Variants in PCDH11Y observed in about 807,000 individuals in gnomAD.
PCDH11Y encodes the protein protocadherin-11 Y-linked.
For synonymous variants in PCDH11Y, 9 were observed against 83.6 expected (o/e 0.11, Z 4.87); for missense variants, 12 against 224.8 (o/e 0.05, Z 6.05).
At chrY:5,351,295 A>AGTGT (rs756307805) in intron 2 of PCDH11Y, among the ~76,000 whole-genome samples, 90 of 21,929 alleles carry the variant, frequency 4.1e-3, no homozygotes, top group Middle Eastern at 0.044. Context: ...ATATGTGGGG[A>AGTGT]GTGTGTGTGT....
intron 1 of PCDH11Y, among the ~76,000 whole-genome samples, chrY:5,016,850 G>A (rs2052561667): frequency 3.0e-5 from 1 of 33,099 alleles, no homozygotes; most frequent in Non-Finnish European, 7.5e-5. Flanking sequence ...AAGTTTTAAT[G>A]TTCCATAAAC....
intron 1 of PCDH11Y, among the ~76,000 whole-genome samples, chrY:5,062,776 A>G: frequency 3.0e-5 from 1 of 33,103 alleles, no homozygotes. Context: ...AAATAGTTCA[A>G]TTCTGGAGTT....
chrY:5,338,684 A>G, intron 2 of PCDH11Y: 1 of 375,669 alleles, frequency 2.7e-6, no homozygotes, highest in Non-Finnish European at 3.8e-6. Flanking sequence ...ATCTAATTCA[A>G]TCTGCTGCAG....
intron 1 of PCDH11Y, among the ~76,000 whole-genome samples, chrY:5,096,438 CGTGT>C (rs367616063): frequency 0.11 from 2,104 of 19,722 alleles, no homozygotes; most frequent in East Asian, 0.31. Flanking sequence ...TTTAGATGTA[CGTGT>C]GTGTGTGTGT....
At chrY:5,366,265 A>G in intron 2 of PCDH11Y, among the ~76,000 whole-genome samples, 1 of 33,624 alleles carries the variant, frequency 3.0e-5, no homozygotes, top group African/African-American at 1.2e-4. Context: ...AACGATGCTT[A>G]TCCTGTAATT....
intron 2 of PCDH11Y, among the ~76,000 whole-genome samples, chrY:5,164,791 T>C: frequency 3.0e-5 from 1 of 33,360 alleles, no homozygotes; most frequent in Non-Finnish European, 7.5e-5. Context: ...ATCATCAGGT[T>C]TGATAAAAAT....
intron 2 of PCDH11Y, among the ~76,000 whole-genome samples, chrY:5,162,815 AC>A (rs2052875693): frequency 3.0e-5 from 1 of 33,062 alleles, no homozygotes; most frequent in Non-Finnish European, 7.5e-5. Flanking sequence ...CAGAATAATG[AC>A]TTTTTAAAAT....
intron 1 of PCDH11Y, among the ~76,000 whole-genome samples, chrY:5,095,210 A>G: frequency 6.0e-5 from 2 of 33,373 alleles, no homozygotes; most frequent in Admixed American, 2.7e-4. Flanking sequence ...TTCTTTTTAT[A>G]TTATATTATC....
At position 5,343,288 on chromosome Y, in the gene PCDH11Y, CTG is replaced by C. The variant is rs2124669181; in HGVS notation, c.3130-157767_3130-157766del. ...TTTTTTTTTGAGACGGAGTCTCGCT[CTG>C]TCACCTAGGATGGAGTGCAGTGGCG... On this transcript the variant is annotated intron_variant, in intron 2 of 4. Transcript: ENST00000400457. 2.3e-4 allele frequency among the ~76,000 whole-genome samples: 6 copies of C among 25,888 alleles called. No individual in the cohort carries two copies. In the East Asian group the frequency reaches 6.2e-3, roughly 27 times the overall value. 69.5% of individuals were successfully genotyped at this position (25,888 alleles called of 37,273 possible).
intron 2 of PCDH11Y, among the ~76,000 whole-genome samples, chrY:5,304,340 T>C: frequency 3.0e-5 from 1 of 33,087 alleles, no homozygotes; most frequent in African/African-American, 1.2e-4. Flanking sequence ...TAGCCAACTG[T>C]ATCTGTTGAA....
At chrY:5,404,383 A>G (rs2053236829) in intron 2 of PCDH11Y, among the ~76,000 whole-genome samples, 1 of 33,434 alleles carries the variant, frequency 3.0e-5, no homozygotes. Flanking sequence ...GTTCTTATTT[A>G]TTTGACTTCT....
At chrY:5,000,301 C>T in exon 1 of PCDH11Y, 2 of 30,969 alleles carry the variant, frequency 6.5e-5, no homozygotes, top group Non-Finnish European at 1.6e-4. Context: ...TCCTTGCAGT[C>T]GGCGAACTGT....
At chrY:5,579,961 T>C in intron 3 of PCDH11Y, among the ~76,000 whole-genome samples, 1 of 31,190 alleles carries the variant, frequency 3.2e-5, no homozygotes, top group Non-Finnish European at 7.8e-5. Context: ...ATATACTCCC[T>C]TACAGTGGGA....
chrY:5,704,415 T>C lies in PCDH11Y; in HGVS notation c.3353-32857T>C, dbSNP rs1602962382. 4.2e-4 allele frequency among the ~76,000 whole-genome samples: 13 copies of C among 31,098 alleles called. No homozygotes were observed. The East Asian group carries it at 0.011, about 27-fold the overall frequency. The allele number at this position is 31,098 out of a possible 37,273, so 83.4% of individuals were successfully genotyped here. A position where few individuals can be genotyped will look rare whatever the true frequency, so the allele number is the denominator to read the frequency against. On this transcript the variant is annotated intron_variant, in intron 4 of 4. Coordinates refer to the PCDH11Y transcript ENST00000400457. ...TCCAAATTCAAAAGCCAAATGTAAATAGTGCTTTCTTTTTTTTCTTTTTTT... is the reference window on the plus strand; with the variant it reads ...TCCAAATTCAAAAGCCAAATGTAAACAGTGCTTTCTTTTTTTTCTTTTTTT...
At chrY:5,082,722 G>A in intron 1 of PCDH11Y, among the ~76,000 whole-genome samples, 2 of 32,879 alleles carry the variant, frequency 6.1e-5, no homozygotes. Flanking sequence ...GTGGGTAGGT[G>A]GTGATATCCC....
At chrY:5,343,355 G>T (rs2053148189) in intron 2 of PCDH11Y, among the ~76,000 whole-genome samples, 58 of 28,857 alleles carry the variant, frequency 2.0e-3, no homozygotes, top group Non-Finnish European at 3.8e-3. Flanking sequence ...CCGGGTTCAC[G>T]CCATTCTCCT....
chrY:5,741,776 G>A, exon 5 of PCDH11Y: 2 of 30,596 alleles, frequency 6.5e-5, no homozygotes, highest in African/African-American at 2.5e-4. Context: ...TACACTAACC[G>A]TCATGTGCTT....
At chrY:5,165,499 A>G in intron 2 of PCDH11Y, among the ~76,000 whole-genome samples, 4 of 32,513 alleles carry the variant, frequency 1.2e-4, no homozygotes, top group Non-Finnish European at 2.3e-4. Flanking sequence ...TGGAAAAATC[A>G]GTTTGTCAGA....
intron 1 of PCDH11Y, among the ~76,000 whole-genome samples, chrY:5,025,513 A>C (rs2052577615): frequency 3.0e-5 from 1 of 33,711 alleles, no homozygotes; most frequent in Non-Finnish European, 7.4e-5. Context: ...ACAGTAGTCT[A>C]CAAATAAAGA....
Sources: allele counts gnomAD v4.1 joint callset (sites outside exome capture counted in the v4.1 genomes callset), GRCh38; gene constraint gnomAD v4.1.1; transcripts MANE v1.5; gene names NCBI Gene and HGNC (gene_info 2026-07-23, HGNC 2026-07-21).